The following NAPEPLD variants were observed in gnomAD, a reference collection of about 807,000 sequenced individuals.
The protein encoded by NAPEPLD is N-acyl-phosphatidylethanolamine-hydrolyzing phospholipase D.
In NAPEPLD, 23 loss-of-function variants were observed where a neutral mutation model predicts 38.1. The observed-to-expected ratio is 0.60, with a 90% confidence interval of 0.43 to 0.86. The LOEUF is 0.86. Among genes scored for constraint, NAPEPLD ranks in the 40% least tolerant of loss-of-function variants. The pLI, the probability that NAPEPLD is intolerant of heterozygous loss-of-function variation, is 0.00. For missense variants in NAPEPLD, 411 were observed against 476.8 expected, an observed-to-expected ratio of 0.86 and a Z score of 1.28; for synonymous variants, 147 against 162.0, an observed-to-expected ratio of 0.91 and a Z score of 0.71.
intron 2 of NAPEPLD, among the ~76,000 whole-genome samples, chr7:103,122,494 G>A (rs6973787): frequency 0.88 from 133,779 of 151,868 alleles, 61,396 homozygotes; most frequent in East Asian, 1. Flanking sequence ...ATGAGAGAGT[G>A]AGTCTGAATG....
chr7:103,122,630 T>C (rs1806950732), intron 2 of NAPEPLD, among the ~76,000 whole-genome samples: 1 of 152,224 alleles, frequency 6.6e-6, no homozygotes, highest in African/African-American at 2.4e-5. Context: ...CTATGCTTCA[T>C]TCCTGTGAGG....
chr7:103,143,362 T>C (rs2129536967), intron 1 of NAPEPLD, among the ~76,000 whole-genome samples: 1 of 152,218 alleles, frequency 6.6e-6, no homozygotes, highest in East Asian at 1.9e-4. Context: ...TAGTGTTCTT[T>C]AATCTGTCAT....
chr7:103,139,503 C>T (rs1366146802), intron 1 of NAPEPLD, among the ~76,000 whole-genome samples: 2 of 152,202 alleles, frequency 1.3e-5, no homozygotes, highest in African/African-American at 4.8e-5. Flanking sequence ...GAGCGGTCCA[C>T]AGTGACAGCA....
chr7:103,107,136 C>A (rs2129526708), intron 4 of NAPEPLD, among the ~76,000 whole-genome samples: 1 of 152,252 alleles, frequency 6.6e-6, no homozygotes, highest in East Asian at 1.9e-4. Flanking sequence ...CTCCAGCAAA[C>A]TCCAGCAGAC....
chr7:103,149,685 C>T, upstream of NAPEPLD: 1 of 268,942 alleles, frequency 3.7e-6, no homozygotes, highest in Non-Finnish European at 7.4e-6. Flanking sequence ...CTCAAACACT[C>T]TGCAGGGACC....
rs1813166851 is a variant in NAPEPLD, at chr7:103,148,945, G to C, written c.-151C>G. On this transcript the variant is annotated 5_prime_UTR_variant, in exon 1 of 5. Transcript: ENST00000465647. ...CACCGAGGCAGCTTCAGAGATGCAGGCTCCGCAACTCGCGAGGTGCGAAAA... is the reference window on the plus strand; with the variant it reads ...CACCGAGGCAGCTTCAGAGATGCAGCCTCCGCAACTCGCGAGGTGCGAAAA... The C allele has an allele frequency of 1.0e-6, 1 of 985,280 alleles. No homozygotes were observed. The allele number at this position is 985,280 out of a possible 1,614,324, so 61.0% of individuals were successfully genotyped here.
At chr7:103,116,972 CT>C (rs1187642136) in intron 3 of NAPEPLD, among the ~76,000 whole-genome samples, 2 of 152,228 alleles carry the variant, frequency 1.3e-5, no homozygotes, top group Non-Finnish European at 2.9e-5. Flanking sequence ...AAAACCAACA[CT>C]TTCAGAAGAA....
chr7:103,124,235 G>A (rs1807291205), intron 2 of NAPEPLD, among the ~76,000 whole-genome samples: 1 of 152,128 alleles, frequency 6.6e-6, no homozygotes, highest in African/African-American at 2.4e-5. Context: ...AAGGTGGGTG[G>A]ATCACCTGAG....
intron 1 of NAPEPLD, chr7:103,141,940 G>A: frequency 1.1e-6 from 1 of 926,192 alleles, no homozygotes; most frequent in Non-Finnish European, 1.8e-6. Context: ...GCATACTCAA[G>A]GCTGCAGCCA....
Position 103,103,490 on chromosome 7 carries a change from T to C in NAPEPLD, c.1121A>G (p.Asp374Gly). The C allele has an allele frequency of 1.3e-6, 2 of 1,599,276 alleles. No individual in the cohort carries two copies. Among genetic ancestry groups the C allele is most frequent in the Non-Finnish European group, 1.7e-6 (2 of 1,176,352 alleles). ...ALERYGLNAE[D>G]FFVLKHGESR... ...TTCTCCATGCTTCAAGACAAAAAAA[T>C]CTTCAGCGTTAAGTCCGTATCTCTC... The change falls in exon 5 of 5, where the codon GAT (aspartate) becomes GGT (glycine). Residue 374 changes from aspartate (D) to glycine (G), a missense_variant. Transcript: ENST00000465647.
intron 4 of NAPEPLD, among the ~76,000 whole-genome samples, chr7:103,103,962 T>TGA (rs1802796130): frequency 6.6e-6 from 1 of 152,204 alleles, no homozygotes; most frequent in Non-Finnish European, 1.5e-5. Context: ...TGTGTGTGTG[T>TGA]AACCAAATGC....
At chr7:103,132,479 C>A (rs1039166660) in intron 1 of NAPEPLD, among the ~76,000 whole-genome samples, 1 of 152,052 alleles carries the variant, frequency 6.6e-6, no homozygotes, top group African/African-American at 2.4e-5. Context: ...GGCAGCACCA[C>A]TAATCAAGGT....
At chr7:103,149,593 G>A, upstream of NAPEPLD, 2 of 824,720 alleles carry the variant, frequency 2.4e-6, no homozygotes, top group Non-Finnish European at 3.2e-6. Flanking sequence ...CAAGATGGCC[G>A]CCCCTGTGGG....
intron 2 of NAPEPLD, among the ~76,000 whole-genome samples, chr7:103,122,695 A>G (rs928290747): frequency 6.6e-6 from 1 of 152,202 alleles, no homozygotes; most frequent in Non-Finnish European, 1.5e-5. Flanking sequence ...GTCCAAAAGA[A>G]AAAGCAAGAA....
intron 1 of NAPEPLD, 31 bp from the exon 2 acceptor site, chr7:103,128,823 T>C (rs1409678818): frequency 5.7e-6 from 9 of 1,574,908 alleles, no homozygotes; most frequent in Non-Finnish European, 7.7e-6. Context: ...AAATACTGAG[T>C]TGAACATAAA....
chr7:103,102,005 C>T lies in NAPEPLD; in HGVS notation c.*1424G>A, dbSNP rs374403258. On this transcript the variant is annotated 3_prime_UTR_variant, in exon 5 of 5. Transcript: ENST00000465647. ...AAATCTTATGTCAACTGACTCCCCC[C>T]CCGCCCCCCAACCACTGGCATTCAT... The T allele has an allele frequency of 7.3e-6, 1 of 136,400 alleles. No individual in the cohort carries two copies. Among genetic ancestry groups the T allele is most frequent in the African/African-American group, 2.7e-5 (1 of 37,554 alleles). The allele number at this position is 136,400 out of a possible 1,614,324, so 8.4% of individuals were successfully genotyped here.
chr7:103,134,049 A>C (rs1809524819), intron 1 of NAPEPLD, among the ~76,000 whole-genome samples: 1 of 152,358 alleles, frequency 6.6e-6, no homozygotes, highest in Admixed American at 6.5e-5. Context: ...AATTATAGTT[A>C]GGTCACACGT....
intron 1 of NAPEPLD, among the ~76,000 whole-genome samples, chr7:103,147,064 G>A (rs1812715860): frequency 6.6e-6 from 1 of 152,164 alleles, no homozygotes; most frequent in African/African-American, 2.4e-5. Context: ...ATATGAGTTC[G>A]TATGCAATCT....
chr7:103,133,359 G>A (rs554810241), intron 1 of NAPEPLD, among the ~76,000 whole-genome samples: 3 of 152,328 alleles, frequency 2.0e-5, no homozygotes, highest in South Asian at 2.1e-4. Context: ...CATTTCACAC[G>A]ATGCACTGTT....
Sources: allele counts gnomAD v4.1 joint callset (sites outside exome capture counted in the v4.1 genomes callset), GRCh38; gene constraint gnomAD v4.1.1; transcripts MANE v1.5; gene names NCBI Gene and HGNC (gene_info 2026-07-23, HGNC 2026-07-21).